The following PRXL2A variants were observed in gnomAD, a reference collection of about 807,000 sequenced individuals.
PRXL2A encodes the protein peroxiredoxin-like 2A.
A neutral mutation model predicts 25.6 loss-of-function variants in PRXL2A; 26 were observed. The ratio of observed to expected loss-of-function variants is 1.02; its 90% CI spans 0.74 to 1.41. The LOEUF is 1.41. Ranked by LOEUF, PRXL2A falls within the 40% of genes most tolerant of loss-of-function variation. The pLI is 0.00. For synonymous variants in PRXL2A, 98 were observed against 102.9 expected, an observed-to-expected ratio of 0.95 and a Z score of 0.29; for missense variants, 246 against 273.9, an observed-to-expected ratio of 0.90 and a Z score of 0.72.
chr10:80,419,363 A>G (rs554854868), intron 1 of PRXL2A, among the ~76,000 whole-genome samples: 7 of 140,888 alleles, frequency 5.0e-5, no homozygotes, highest in Non-Finnish European at 7.6e-5. Context: ...GCTGAAGTGC[A>G]ATGGCACGAT....
chr10:80,427,330 A>G lies in PRXL2A; in HGVS notation c.412-2A>G, dbSNP rs1444788629. 6.2e-7 allele frequency: 1 copy of G among 1,613,722 alleles called. No individual in the cohort carries two copies. ...ATGGGATCTGTCTTTCTCACTCCATAGAAAAAGTTCTATGGTCCACAAAGG... is the reference window on the plus strand; with the variant it reads ...ATGGGATCTGTCTTTCTCACTCCATGGAAAAAGTTCTATGGTCCACAAAGG... On this transcript the variant is annotated splice_acceptor_variant, in intron 4 of 5. Coordinates refer to ENST00000606162, the MANE Select transcript of PRXL2A (RefSeq NM_032333.5). LOFTEE classifies it high-confidence loss of function.
At chr10:80,412,451 A>G (rs1844506704) in intron 1 of PRXL2A, among the ~76,000 whole-genome samples, 1 of 152,222 alleles carries the variant, frequency 6.6e-6, no homozygotes, top group Admixed American at 6.5e-5. Context: ...ATTAACATTT[A>G]ATGCCTGATA....
intron 1 of PRXL2A, chr10:80,408,890 G>A (rs1398006521): frequency 4.5e-5 from 12 of 263,786 alleles, no homozygotes; most frequent in Non-Finnish European, 6.4e-5. Flanking sequence ...CCAGACGTCG[G>A]AGAACGGAGA....
At chr10:80,425,805 C>T in intron 3 of PRXL2A, 61 bp from the exon 4 acceptor site, 1 of 1,605,210 alleles carries the variant, frequency 6.2e-7, no homozygotes, top group South Asian at 1.1e-5. Context: ...AACCTGACAC[C>T]CTATGTGGAG....
rs1286259555 is a variant in PRXL2A, at chr10:80,422,473, G to A, written c.235G>A (p.Ala79Thr). 6.2e-7 allele frequency: 1 copy of A among 1,614,090 alleles called. No homozygotes were observed. The highest frequency in any genetic ancestry group is 8.5e-7 in the Non-Finnish European group (1 of 1,179,978). ...LWEKNGAVIM[A>T]VRRPGCFLCR... The stretch of plus-strand genomic sequence containing the variant: ...GGAAAAAAATGGAGCTGTGATTATG[G>A]CCGTGCGGAGGCCAGGCTGTTTCCT... The change falls in exon 3 of 6, where the codon GCC (alanine) becomes ACC (threonine). Residue 79 changes from alanine to threonine, a missense_variant. Ala to Thr is a moderately conservative substitution (Grantham distance 58, BLOSUM62 0). Transcript: ENST00000606162.
rs961966375 is a variant in PRXL2A at position 80,416,179 on chromosome 10, C to G, written c.-2-4287C>G. Among the ~76,000 whole-genome samples, 7 of 152,320 alleles carry G rather than the reference C, an allele frequency of 4.6e-5. No individual in the cohort carries two copies. The South Asian group carries it at 1.0e-3, about 23-fold the overall frequency. On this transcript the variant is annotated intron_variant, in intron 1 of 5. Transcript: ENST00000606162. Reference sequence around the variant, plus strand: ...GTCATCCAGTAATGTGTAACTTTGTCAAATTAAAGAATTGGAAGCAGGCCT... The same window carrying G: ...GTCATCCAGTAATGTGTAACTTTGTGAAATTAAAGAATTGGAAGCAGGCCT...
intron 1 of PRXL2A, among the ~76,000 whole-genome samples, chr10:80,417,858 C>G (rs1172265473): frequency 2.0e-5 from 3 of 150,980 alleles, no homozygotes; most frequent in African/African-American, 2.4e-5. Context: ...GCTGAGACCA[C>G]AGGCGTGTGC....
At chr10:80,420,392 G>C in intron 1 of PRXL2A, 74 bp from the exon 2 acceptor site, 2 of 1,511,492 alleles carry the variant, frequency 1.3e-6, no homozygotes, top group Non-Finnish European at 1.8e-6. Context: ...TCCTGCCAGA[G>C]CCTTGCCTGG....
rs1270746379 is a variant in PRXL2A, at chr10:80,433,723, A to G, written c.*1624A>G. On this transcript the variant is annotated 3_prime_UTR_variant, in exon 6 of 6. Coordinates refer to ENST00000606162, the MANE Select transcript of PRXL2A (RefSeq NM_032333.5). Reference sequence around the variant, plus strand: ...AGGCCATAGCCTTTGGTACTTGCACAGGGTTGGTACCTGTCATCCTTGGGA... The same window carrying G: ...AGGCCATAGCCTTTGGTACTTGCACGGGGTTGGTACCTGTCATCCTTGGGA... 1.3e-5 allele frequency: 2 copies of G among 152,290 alleles called. No individual in the cohort carries two copies. The highest frequency in any genetic ancestry group is 2.9e-5 in the Non-Finnish European group (2 of 68,080). 9.4% of individuals were successfully genotyped at this position (152,290 alleles called of 1,614,324 possible). A position where few individuals can be genotyped will look rare whatever the true frequency, so the allele number is the denominator to read the frequency against.
At chr10:80,430,827 T>C (rs1845231168) in intron 5 of PRXL2A, among the ~76,000 whole-genome samples, 1 of 152,234 alleles carries the variant, frequency 6.6e-6, no homozygotes, top group Non-Finnish European at 1.5e-5. Flanking sequence ...TCTTTTTTCA[T>C]TTAACAGTAT....
chr10:80,408,946 C>A, intron 1 of PRXL2A: 2 of 810,612 alleles, frequency 2.5e-6, no homozygotes, highest in Non-Finnish European at 3.0e-6. Flanking sequence ...CCTCTGTCCA[C>A]GCCCGCAAGC....
rs1490912138 is a variant in PRXL2A at position 80,417,731 on chromosome 10, T to TTTC, written c.-2-2725_-2-2723dup. On this transcript the variant is annotated intron_variant, in intron 1 of 5. Coordinates refer to ENST00000606162, the MANE Select transcript of PRXL2A (RefSeq NM_032333.5). Reference sequence around the variant, plus strand: ...GTTACCCCCGTTACCTGGAACTTCTTTTCTTCTTCTTCATCTTTTTTTTTT... The same window carrying TTTC: ...GTTACCCCCGTTACCTGGAACTTCTTTTCTTCTTCTTCTTCATCTTTTTTTTTT... 4.7e-5 allele frequency among the ~76,000 whole-genome samples: 7 copies of TTTC among 149,238 alleles called. No homozygotes were observed. The South Asian group carries it at 1.5e-3, about 32-fold the overall frequency.
At chr10:80,411,835 C>T (rs967422149) in intron 1 of PRXL2A, among the ~76,000 whole-genome samples, 1 of 152,166 alleles carries the variant, frequency 6.6e-6, no homozygotes, top group Non-Finnish European at 1.5e-5. Flanking sequence ...CTGCCTCAGG[C>T]CAGCTCATTC....
At position 80,432,987 on chromosome 10, in the gene PRXL2A, A is replaced by G. The variant is rs1386336226; in HGVS notation, c.*888A>G. ...ATCTCTGGCTTTAATAAAATTATGC[A>G]TCAGAAATCACCTGTATGTATAAGA... On this transcript the variant is annotated 3_prime_UTR_variant, in exon 6 of 6. Coordinates refer to ENST00000606162, the MANE Select transcript of PRXL2A (RefSeq NM_032333.5). 6.6e-6 allele frequency: 1 copy of G among 152,234 alleles called. No individual in the cohort carries two copies. Among genetic ancestry groups the G allele is most frequent in the Non-Finnish European group, 1.5e-5 (1 of 68,042 alleles). 9.4% of individuals were successfully genotyped at this position (152,234 alleles called of 1,614,324 possible).
At chr10:80,420,225 A>G in intron 1 of PRXL2A, 1 of 1,179,414 alleles carries the variant, frequency 8.5e-7, no homozygotes, top group Non-Finnish European at 1.0e-6. Context: ...TTTCTCTGTC[A>G]TCACTCCTGA....
intron 5 of PRXL2A, 67 bp from the exon 6 acceptor site, chr10:80,431,919 C>T: frequency 8.8e-7 from 1 of 1,135,664 alleles, no homozygotes; most frequent in Non-Finnish European, 1.3e-6. Flanking sequence ...ACAGCTGGTC[C>T]TCGATGCCTG....
chr10:80,418,120 G>A (rs548495968), intron 1 of PRXL2A, among the ~76,000 whole-genome samples: 5 of 150,550 alleles, frequency 3.3e-5, no homozygotes, highest in African/African-American at 1.2e-4. Flanking sequence ...GGCTTTTAGT[G>A]TACCCGTTAT....
intron 1 of PRXL2A, among the ~76,000 whole-genome samples, chr10:80,412,784 T>C (rs2131877629): frequency 6.6e-6 from 1 of 152,302 alleles, no homozygotes; most frequent in African/African-American, 2.4e-5. Flanking sequence ...CAACACTTGC[T>C]GAAGCCAAGC....
intron 2 of PRXL2A, 101 bp from the exon 3 acceptor site, chr10:80,422,316 C>T (rs754882272): frequency 1.5e-5 from 13 of 849,594 alleles, no homozygotes; most frequent in African/African-American, 1.0e-4. Flanking sequence ...TCTACTAGGC[C>T]GGGTCTCTGA....
Sources: allele counts gnomAD v4.1 joint callset (sites outside exome capture counted in the v4.1 genomes callset), GRCh38; gene constraint gnomAD v4.1.1; transcripts MANE v1.5; gene names NCBI Gene and HGNC (gene_info 2026-07-23, HGNC 2026-07-21).